The following MAD1L1 variants were observed in gnomAD, a reference collection of about 807,000 sequenced individuals.
The protein encoded by MAD1L1 is mitotic arrest deficient 1 like 1.
MAD1L1 carries 95 observed loss-of-function variants against 96.9 expected under a neutral mutation model. The observed-to-expected ratio is 0.98, with a 90% CI of 0.83 to 1.16. The LOEUF is 1.16. Ranked by LOEUF, MAD1L1 falls within the 50% of genes most tolerant of loss-of-function variation. MAD1L1 has a pLI of 0.00. For synonymous variants in MAD1L1, 473 were observed against 396.6 expected (o/e 1.19, Z -2.29); for missense variants, 1,007 against 954.4 (o/e 1.06, Z -0.73).
intron 18 of MAD1L1, among the ~76,000 whole-genome samples, chr7:1,864,098 G>A (rs1482587548): frequency 6.6e-6 from 1 of 152,214 alleles, no homozygotes; most frequent in African/African-American, 2.4e-5. Context: ...GGAGAAACTG[G>A]CCAGGATGGG....
intron 13 of MAD1L1, among the ~76,000 whole-genome samples, chr7:2,013,067 T>C (rs1056716838): frequency 6.6e-6 from 1 of 152,248 alleles, no homozygotes; most frequent in Admixed American, 6.5e-5. Context: ...TGTTTGTTCA[T>C]TAAATGTCTC....
intron 12 of MAD1L1, among the ~76,000 whole-genome samples, chr7:2,031,304 G>A (rs1032162831): frequency 3.3e-5 from 5 of 152,158 alleles, no homozygotes; most frequent in Non-Finnish European, 7.3e-5. Flanking sequence ...GCTTCCTGCC[G>A]TCACACCCTC....
chr7:2,087,962 C>A (rs889929023), intron 11 of MAD1L1, among the ~76,000 whole-genome samples: 4 of 152,140 alleles, frequency 2.6e-5, no homozygotes, highest in African/African-American at 9.7e-5. Flanking sequence ...CTGAGAAGAT[C>A]CAGTGAAACT....
At position 2,167,552 on chromosome 7, in the gene MAD1L1, A is replaced by AAATAAT. The variant is rs143994964; in HGVS notation, c.987-18320_987-18315dup. ...CAACAGAGCGAGACTCCGTCTCAAA[A>AAATAAT]AATAATAATAATAATAATAATAATT... On this transcript the variant is annotated intron_variant, in intron 10 of 18. Coordinates refer to ENST00000265854, the MANE Select transcript of MAD1L1 (RefSeq NM_001013836.2). 3.7e-3 allele frequency among the ~76,000 whole-genome samples: 563 copies of AAATAAT among 150,664 alleles called. 5 individuals carry two copies. The highest frequency in any genetic ancestry group is 0.013 in the African/African-American group (535 of 40,722).
intron 10 of MAD1L1, among the ~76,000 whole-genome samples, chr7:2,169,285 C>A (rs1012209551): frequency 2.0e-5 from 3 of 152,130 alleles, no homozygotes; most frequent in Non-Finnish European, 4.4e-5. Flanking sequence ...GGTAGGGATG[C>A]GACTGGTGGG....
chr7:2,028,747 C>T (rs1454116232), intron 12 of MAD1L1, among the ~76,000 whole-genome samples: 1 of 152,080 alleles, frequency 6.6e-6, no homozygotes, highest in East Asian at 1.9e-4. Context: ...ATACAGATTC[C>T]AGAAACAGCC....
intron 17 of MAD1L1, among the ~76,000 whole-genome samples, chr7:1,915,722 C>T (rs1788343734): frequency 6.6e-6 from 1 of 152,216 alleles, no homozygotes; most frequent in Admixed American, 6.5e-5. Flanking sequence ...AAAGAAAAGT[C>T]TTTTCCGCCA....
chr7:2,138,168 G>A (rs1455337751), intron 11 of MAD1L1, among the ~76,000 whole-genome samples: 4 of 152,250 alleles, frequency 2.6e-5, no homozygotes, highest in African/African-American at 9.6e-5. Flanking sequence ...GGGTTTCATG[G>A]GGGTGGGAGG....
In MAD1L1 at chr7:1,945,756, G is replaced by A. The variant is rs545401330; in HGVS notation, c.1597-8859C>T. ...AGGTGCGGGTAAGGTGGCGGCGCTGGGCCGCAGACCGGGGTTAGGGCTCTG... is the reference window on the plus strand; with the variant it reads ...AGGTGCGGGTAAGGTGGCGGCGCTGAGCCGCAGACCGGGGTTAGGGCTCTG... On this transcript the variant is annotated intron_variant, in intron 16 of 18. Transcript: ENST00000265854. Among the ~76,000 whole-genome samples the A allele has an allele frequency of 3.0e-3, 455 of 152,354 alleles. 1 individual carries two copies. The highest frequency in any genetic ancestry group is 4.6e-3 in the Non-Finnish European group (314 of 68,034).
intron 11 of MAD1L1, among the ~76,000 whole-genome samples, chr7:2,108,155 T>C (rs546989789): frequency 2.5e-4 from 38 of 152,214 alleles, no homozygotes; most frequent in Middle Eastern, 3.2e-3. Flanking sequence ...GAGAACAAAC[T>C]TGGGGGCTGT....
intron 18 of MAD1L1, chr7:1,847,267 G>A (rs1250484240): frequency 8.5e-6 from 4 of 470,846 alleles, no homozygotes; most frequent in Admixed American, 2.3e-5. Flanking sequence ...GTTTTCTTTC[G>A]GGACACAACC....
intron 12 of MAD1L1, among the ~76,000 whole-genome samples, chr7:2,053,565 G>A (rs970331749): frequency 1.3e-5 from 2 of 152,224 alleles, no homozygotes; most frequent in Non-Finnish European, 2.9e-5. Flanking sequence ...CCTGGCGGGC[G>A]GCAGGAAAGC....
chr7:1,964,955 T>C (rs999607361), intron 15 of MAD1L1, among the ~76,000 whole-genome samples: 10 of 152,112 alleles, frequency 6.6e-5, no homozygotes, highest in African/African-American at 2.4e-4. Context: ...AGGAAGCCCC[T>C]CACCCAGGCC....
intron 10 of MAD1L1, among the ~76,000 whole-genome samples, chr7:2,196,080 T>C (rs1335398280): frequency 6.6e-6 from 1 of 152,224 alleles, no homozygotes; most frequent in Non-Finnish European, 1.5e-5. Context: ...CAGCTCACCA[T>C]ACTCCAGGAT....
At chr7:2,191,363 C>T (rs1288059336) in intron 10 of MAD1L1, among the ~76,000 whole-genome samples, 1 of 152,212 alleles carries the variant, frequency 6.6e-6, no homozygotes, top group Admixed American at 6.5e-5. Flanking sequence ...AGAACAGGAA[C>T]ATGGCCCTTT....
At chr7:2,151,754 T>C (rs1389238873) in intron 10 of MAD1L1, among the ~76,000 whole-genome samples, 1 of 151,926 alleles carries the variant, frequency 6.6e-6, no homozygotes, top group African/African-American at 2.4e-5. Flanking sequence ...AGGGGGGAAA[T>C]GGGAGTGGTT....
chr7:2,058,606 G>C (rs1371042023), intron 12 of MAD1L1, among the ~76,000 whole-genome samples: 10 of 89,692 alleles, frequency 1.1e-4, no homozygotes, highest in African/African-American at 4.5e-4. Context: ...GAGAGGCGCG[G>C]GGCTAGAGTG....
chr7:1,950,227 C>G (rs1018649298), intron 16 of MAD1L1, among the ~76,000 whole-genome samples: 3 of 152,236 alleles, frequency 2.0e-5, no homozygotes, highest in African/African-American at 7.2e-5. Context: ...TCCCCAGCAC[C>G]CTGACCTCAG....
chr7:1,879,108 G>A (rs1785538629), intron 18 of MAD1L1, among the ~76,000 whole-genome samples: 1 of 152,180 alleles, frequency 6.6e-6, no homozygotes, highest in South Asian at 2.1e-4. Flanking sequence ...ACATTGCTGG[G>A]AGAAGGTAAA....
Sources: allele counts gnomAD v4.1 joint callset (sites outside exome capture counted in the v4.1 genomes callset), GRCh38; gene constraint gnomAD v4.1.1; transcripts MANE v1.5; gene names NCBI Gene and HGNC (gene_info 2026-07-23, HGNC 2026-07-21).